TSPEAR: variants seen among roughly 807,000 people sequenced by gnomAD.
TSPEAR encodes the protein thrombospondin type laminin G domain and EAR repeats.
A neutral mutation model predicts 71.6 loss-of-function variants in TSPEAR; 69 were observed. The ratio of observed to expected loss-of-function variants is 0.96; its 90% CI spans 0.79 to 1.18. TSPEAR has a LOEUF of 1.18. Ranked by LOEUF, TSPEAR falls within the 50% of genes most tolerant of loss-of-function variation. The pLI is 0.00. For missense variants in TSPEAR, 971 were observed against 894.9 expected (o/e 1.09, Z -1.09); for synonymous variants, 402 against 387.2 (o/e 1.04, Z -0.45).
At chr21:44,658,958 A>G (rs1229344791) in intron 1 of TSPEAR, among the ~76,000 whole-genome samples, 1 of 152,194 alleles carries the variant, frequency 6.6e-6, no homozygotes, top group African/African-American at 2.4e-5. Context: ...TACTGTGGCA[A>G]AGAGGGCAGG....
intron 1 of TSPEAR, chr21:44,627,615 T>G (rs1479381263): frequency 6.2e-7 from 1 of 1,611,868 alleles, no homozygotes; most frequent in Non-Finnish European, 8.5e-7. Context: ...GCTGCAAACC[T>G]GTGTGCTGTG....
intron 1 of TSPEAR, among the ~76,000 whole-genome samples, chr21:44,692,850 A>T (rs28797484): frequency 0.092 from 13,989 of 152,140 alleles, 694 homozygotes; most frequent in South Asian, 0.14. Flanking sequence ...TCCAGAAATG[A>T]AAAAGCTGAT....
At chr21:44,647,313 G>A in intron 1 of TSPEAR, 2 of 1,613,852 alleles carry the variant, frequency 1.2e-6, no homozygotes, top group Non-Finnish European at 1.7e-6. Context: ...GCTCCCGCCT[G>A]GCCTGCTACA....
intron 1 of TSPEAR, among the ~76,000 whole-genome samples, chr21:44,648,074 C>T (rs782318511): frequency 7.2e-5 from 11 of 152,184 alleles, no homozygotes; most frequent in East Asian, 1.9e-4. Flanking sequence ...AGGGCTGCCC[C>T]GAGAGTTTGA....
intron 1 of TSPEAR, among the ~76,000 whole-genome samples, chr21:44,641,242 G>A (rs1555938474): frequency 2.0e-5 from 3 of 152,170 alleles, no homozygotes. Context: ...ATGCAGATGT[G>A]AGGAAACAAA....
intron 1 of TSPEAR, among the ~76,000 whole-genome samples, chr21:44,663,535 A>C (rs1396153984): frequency 2.6e-5 from 4 of 152,142 alleles, no homozygotes; most frequent in Non-Finnish European, 5.9e-5. Context: ...TAAAGAGGAA[A>C]TATAACCAAT....
At chr21:44,613,142 C>A (rs1981834677) in intron 1 of TSPEAR, among the ~76,000 whole-genome samples, 4 of 152,146 alleles carry the variant, frequency 2.6e-5, no homozygotes, top group Admixed American at 2.6e-4. Flanking sequence ...GGTCACTTGG[C>A]CTCGACTTGA....
chr21:44,650,515 G>T (rs1467820866), intron 1 of TSPEAR, among the ~76,000 whole-genome samples: 1 of 152,256 alleles, frequency 6.6e-6, no homozygotes, highest in African/African-American at 2.4e-5. Flanking sequence ...GCAGGCCAAG[G>T]ACACCAAAGA....
At chr21:44,638,050 C>T (rs1229205789) in intron 1 of TSPEAR, 3 of 1,613,116 alleles carry the variant, frequency 1.9e-6, no homozygotes, top group Non-Finnish European at 2.5e-6. Context: ...CCTGCGGTGC[C>T]TCTGCCTCCT....
intron 1 of TSPEAR, among the ~76,000 whole-genome samples, chr21:44,657,135 C>A (rs1985197888): frequency 6.6e-6 from 1 of 152,102 alleles, no homozygotes. Flanking sequence ...CCAGACCACC[C>A]ACCAGCACCC....
intron 1 of TSPEAR, among the ~76,000 whole-genome samples, chr21:44,663,373 T>C (rs1164008651): frequency 6.6e-5 from 10 of 152,212 alleles, no homozygotes; most frequent in Admixed American, 3.9e-4. Flanking sequence ...AACTGGCACA[T>C]TTTTAAAAGA....
chr21:44,664,685 G>A (rs1985659934), intron 1 of TSPEAR, among the ~76,000 whole-genome samples: 2 of 152,216 alleles, frequency 1.3e-5, no homozygotes, highest in Non-Finnish European at 2.9e-5. Context: ...ATTTATCAGG[G>A]CAGGATGGTG....
chr21:44,502,310 A>G (rs2052047830), intron 11 of TSPEAR, among the ~76,000 whole-genome samples: 1 of 152,228 alleles, frequency 6.6e-6, no homozygotes. Flanking sequence ...TAGCTAGGGA[A>G]GCAAGCTACA....
chr21:44,623,666 G>A lies in TSPEAR; in HGVS notation c.83-55661C>T, dbSNP rs1165832592. On this transcript the variant is annotated intron_variant, in intron 1 of 11. Transcript: ENST00000323084. The surrounding 1 kb of genome is among the most constrained non-coding windows in gnomAD (Gnocchi z 4.5). ...ACATCATTTTCCTGTCCTCATTTTT[G>A]AGGATCTTCTTCCCAGGTGTAGAAT... Among the ~76,000 whole-genome samples, 1 of 152,134 alleles carries A rather than the reference G, an allele frequency of 6.6e-6. No individual in the cohort carries two copies. The highest frequency in any genetic ancestry group is 1.9e-4 in the East Asian group (1 of 5,196).
At chr21:44,556,686 C>T (rs781974796) in intron 2 of TSPEAR, among the ~76,000 whole-genome samples, 10 of 152,166 alleles carry the variant, frequency 6.6e-5, no homozygotes, top group South Asian at 2.1e-4. Context: ...AGCCAGACTC[C>T]GCCTAAAAAA....
In TSPEAR at chr21:44,544,030, G is replaced by A. The variant is rs782771933; in HGVS notation, c.304-10107C>T. Among the ~76,000 whole-genome samples, 6 of 152,158 alleles carry A rather than the reference G, an allele frequency of 3.9e-5. No individual in the cohort carries two copies. The South Asian group carries it at 1.2e-3, about 32-fold the overall frequency. On this transcript the variant is annotated intron_variant, in intron 2 of 11. Coordinates refer to ENST00000323084, the MANE Select transcript of TSPEAR (RefSeq NM_144991.3). Reference sequence around the variant, plus strand: ...TGAGATGGGAGGTTTAAACTCAAACGTATCAGCAAAGCCCCACATTCTTTC... The same window carrying A: ...TGAGATGGGAGGTTTAAACTCAAACATATCAGCAAAGCCCCACATTCTTTC...
rs200004874 is a variant in TSPEAR at position 44,666,463 on chromosome 21, T to C, written c.82+44970A>G. On this transcript the variant is annotated intron_variant, in intron 1 of 11. Coordinates refer to ENST00000323084, the MANE Select transcript of TSPEAR (RefSeq NM_144991.3). The stretch of plus-strand genomic sequence containing the variant: ...ATTCATGCTCAGCAGCAGGAAGAGA[T>C]ACTGTAGGAGATGGGTCTGCAGAGG... 8.4e-5 allele frequency: 133 copies of C among 1,588,530 alleles called. No homozygotes were observed. The highest frequency in any genetic ancestry group is 1.0e-4 in the Non-Finnish European group (119 of 1,166,158).
At chr21:44,709,379 C>T (rs1286009647) in intron 1 of TSPEAR, among the ~76,000 whole-genome samples, 1 of 152,258 alleles carries the variant, frequency 6.6e-6, no homozygotes, top group Admixed American at 6.5e-5. Flanking sequence ...GGCTTGTCCT[C>T]CCTTGCTGCC....
chr21:44,568,916 C>CCA (rs1569190948), intron 1 of TSPEAR, among the ~76,000 whole-genome samples: 1 of 152,200 alleles, frequency 6.6e-6, no homozygotes, highest in African/African-American at 2.4e-5. Context: ...GGTTCATCTT[C>CCA]CCCCACGTGC....
Sources: gnomAD v4.1 joint callset for allele counts (sites outside exome capture counted in the v4.1 genomes callset) on GRCh38, gnomAD v4.1.1 for gene constraint, Gnocchi (gnomAD v3.1) non-coding constraint, MANE v1.5 for transcripts, NCBI Gene and HGNC (gene_info 2026-07-23, HGNC 2026-07-21) for gene names.